Variants in DSCAM observed in about 807,000 individuals in gnomAD.
DSCAM encodes the protein cell adhesion molecule DSCAM.
In DSCAM, 47 loss-of-function variants were observed where a neutral mutation model predicts 217.7. The ratio of observed to expected loss-of-function variants is 0.22; its 90% confidence interval spans 0.17 to 0.28. DSCAM has a LOEUF of 0.28. DSCAM is among the 10% of genes least tolerant of loss of function. The pLI is 1.00. For missense variants in DSCAM, 2,080 were observed against 2,618.3 expected (o/e 0.79, Z 4.49); for synonymous variants, 1,056 against 1,015.3 (o/e 1.04, Z -0.76).
At chr21:40,220,003 C>A (rs1260757616) in intron 11 of DSCAM, among the ~76,000 whole-genome samples, 1 of 152,194 alleles carries the variant, frequency 6.6e-6, no homozygotes, top group African/African-American at 2.4e-5. Context: ...TCAAGGCTAT[C>A]TAAGGAGTTA....
At chr21:40,538,174 A>T (rs1452176466) in intron 3 of DSCAM, among the ~76,000 whole-genome samples, 1 of 152,028 alleles carries the variant, frequency 6.6e-6, no homozygotes, top group Admixed American at 6.5e-5. Context: ...TCGGTCACTC[A>T]CTCCTGAGAG....
intron 3 of DSCAM, among the ~76,000 whole-genome samples, chr21:40,408,262 G>A (rs1372938755): frequency 6.6e-6 from 1 of 152,112 alleles, no homozygotes; most frequent in East Asian, 1.9e-4. Context: ...GAGAAAGAAA[G>A]AATGGTTACT....
chr21:40,069,509 A>C (rs2089258578), intron 27 of DSCAM, among the ~76,000 whole-genome samples: 1 of 152,206 alleles, frequency 6.6e-6, no homozygotes, highest in Non-Finnish European at 1.5e-5. Flanking sequence ...CATTTTGCAC[A>C]CTCAAATGCT....
At chr21:40,409,237 A>G (rs981597995) in intron 3 of DSCAM, among the ~76,000 whole-genome samples, 3 of 152,256 alleles carry the variant, frequency 2.0e-5, no homozygotes, top group Non-Finnish European at 4.4e-5. Flanking sequence ...TAAATGTTAC[A>G]TTACACTATA....
intron 3 of DSCAM, among the ~76,000 whole-genome samples, chr21:40,668,265 T>G (rs1341872663): frequency 6.6e-6 from 1 of 152,172 alleles, no homozygotes; most frequent in East Asian, 1.9e-4. Context: ...TTCCTTGCAT[T>G]TATAAAAGGT....
At chr21:40,655,673 G>C (rs2090067183) in intron 3 of DSCAM, among the ~76,000 whole-genome samples, 1 of 151,678 alleles carries the variant, frequency 6.6e-6, no homozygotes, top group Non-Finnish European at 1.5e-5. Flanking sequence ...TACTGGTCAT[G>C]AACTCCTGGA....
intron 3 of DSCAM, among the ~76,000 whole-genome samples, chr21:40,378,112 A>C (rs994294172): frequency 6.6e-6 from 1 of 152,230 alleles, no homozygotes; most frequent in Admixed American, 6.5e-5. Context: ...ATGACATAAT[A>C]GAAGCCCTGG....
At chr21:40,667,214 A>G (rs943311397) in intron 3 of DSCAM, among the ~76,000 whole-genome samples, 8 of 152,104 alleles carry the variant, frequency 5.3e-5, no homozygotes, top group Admixed American at 1.3e-4. Flanking sequence ...AAGCCAGAAC[A>G]CACTTTCTGT....
At chr21:40,234,585 G>C (rs2091409845) in intron 11 of DSCAM, among the ~76,000 whole-genome samples, 1 of 152,110 alleles carries the variant, frequency 6.6e-6, no homozygotes, top group Non-Finnish European at 1.5e-5. Flanking sequence ...GTCTATTGTA[G>C]CCTCAGCATT....
chr21:40,167,017 T>C (rs1325073484), intron 16 of DSCAM, among the ~76,000 whole-genome samples: 1 of 151,968 alleles, frequency 6.6e-6, no homozygotes. Flanking sequence ...ACCACTTTAT[T>C]CTCTGAGACA....
intron 3 of DSCAM, among the ~76,000 whole-genome samples, chr21:40,562,180 G>A (rs1165410620): frequency 6.6e-6 from 1 of 152,170 alleles, no homozygotes; most frequent in African/African-American, 2.4e-5. Context: ...CAGGTGTTGA[G>A]GGATAGAGCT....
Position 40,011,398 on chromosome 21 carries a change from C to T in DSCAM, c.*1636G>A, listed in dbSNP as rs544177036. 9 of 152,252 alleles carry T rather than the reference C, an allele frequency of 5.9e-5. No individual in the cohort carries two copies. Among genetic ancestry groups the T allele is most frequent in the Non-Finnish European group, 1.3e-4 (9 of 68,026 alleles). 9.4% of individuals were successfully genotyped at this position (152,252 alleles called of 1,614,324 possible). On this transcript the variant is annotated 3_prime_UTR_variant, in exon 33 of 33. Coordinates refer to ENST00000400454, the MANE Select transcript of DSCAM (RefSeq NM_001389.5). ...AAGGAAAGACATTTCTGAATATGTT[C>T]CCAAGATGGTAATAACTGGCACCAG... is the stretch of plus-strand genomic sequence containing the variant.
At chr21:40,420,446 C>T (rs945067224) in intron 3 of DSCAM, among the ~76,000 whole-genome samples, 1 of 152,092 alleles carries the variant, frequency 6.6e-6, no homozygotes, top group Non-Finnish European at 1.5e-5. Context: ...GTGGAAGCCA[C>T]TGAAATCCTG....
At chr21:40,739,262 G>C (rs1306213477) in intron 1 of DSCAM, among the ~76,000 whole-genome samples, 1 of 152,156 alleles carries the variant, frequency 6.6e-6, no homozygotes, top group African/African-American at 2.4e-5. Context: ...GGAGGTGGGG[G>C]CCATGCCCTT....
intron 1 of DSCAM, among the ~76,000 whole-genome samples, chr21:40,721,886 A>C (rs1482234067): frequency 6.6e-6 from 1 of 152,170 alleles, no homozygotes; most frequent in Non-Finnish European, 1.5e-5. Context: ...GTTCAAATCC[A>C]ACATAAAGAA....
At chr21:40,729,809 T>C (rs1041598123) in intron 1 of DSCAM, among the ~76,000 whole-genome samples, 18 of 152,350 alleles carry the variant, frequency 1.2e-4, no homozygotes, top group South Asian at 6.2e-4. Context: ...GCCAGATCCA[T>C]GGTGAAAATG....
chr21:40,118,091 T>C (rs115138932), intron 20 of DSCAM, among the ~76,000 whole-genome samples: 1 of 152,324 alleles, frequency 6.6e-6, no homozygotes, highest in African/African-American at 2.4e-5. Context: ...TGGAAATCTA[T>C]CTAGGTCATA....
At chr21:40,461,192 A>C (rs1268685906) in intron 3 of DSCAM, among the ~76,000 whole-genome samples, 2 of 152,348 alleles carry the variant, frequency 1.3e-5, no homozygotes, top group Middle Eastern at 3.4e-3. Flanking sequence ...AATAAATTAT[A>C]TATTTGCATA....
chr21:40,441,556 C>A lies in DSCAM; in HGVS notation c.509-72311G>T, dbSNP rs560341486. ...ACCATAAATTTATGAAACCATTCAC[C>A]CTTCAAATTGGCTACCTCTCTCCTA... On this transcript the variant is annotated intron_variant, in intron 3 of 32. Coordinates refer to ENST00000400454, the MANE Select transcript of DSCAM (RefSeq NM_001389.5). Among the ~76,000 whole-genome samples the A allele has an allele frequency of 2.0e-5, 3 of 152,238 alleles. No homozygotes were observed. The South Asian group carries it at 6.2e-4, about 32-fold the overall frequency.
Sources: gnomAD v4.1 joint callset for allele counts (sites outside exome capture counted in the v4.1 genomes callset) on GRCh38, gnomAD v4.1.1 for gene constraint, MANE v1.5 for transcripts, NCBI Gene and HGNC (gene_info 2026-07-23, HGNC 2026-07-21) for gene names.